CRISPLD2: variants seen among roughly 807,000 people sequenced by gnomAD.
The protein encoded by CRISPLD2 is cysteine-rich secretory protein LCCL domain-containing 2.
CRISPLD2 carries 47 observed loss-of-function variants against 71.1 expected under a neutral mutation model. That is an observed-to-expected ratio of 0.66 (90% confidence interval 0.52 to 0.84). The LOEUF (loss-of-function observed/expected upper bound fraction) is 0.84. CRISPLD2 is among the 40% of genes least tolerant of loss of function. The pLI is 0.00. For missense variants in CRISPLD2, 830 were observed against 651.1 expected, an observed-to-expected ratio of 1.27 and a Z score of -2.99; for synonymous variants, 317 against 250.1, an observed-to-expected ratio of 1.27 and a Z score of -2.52.
At chr16:84,895,074 C>T (rs1346869947) in intron 14 of CRISPLD2, among the ~76,000 whole-genome samples, 1 of 152,020 alleles carries the variant, frequency 6.6e-6, no homozygotes, top group African/African-American at 2.4e-5. Context: ...TTCCCCTCCT[C>T]CACTCGTATT....
chr16:84,855,958 C>T (rs189804527), intron 6 of CRISPLD2, among the ~76,000 whole-genome samples: 1 of 152,210 alleles, frequency 6.6e-6, no homozygotes, highest in Non-Finnish European at 1.5e-5. Flanking sequence ...CAAGTGTATA[C>T]ATGCACAAGC....
chr16:84,861,607 T>A (rs1483667746), intron 6 of CRISPLD2, among the ~76,000 whole-genome samples: 2 of 151,890 alleles, frequency 1.3e-5, no homozygotes, highest in Non-Finnish European at 2.9e-5. Flanking sequence ...GCCCACTGAC[T>A]CAAATGTTAA....
chr16:84,836,251 A>T (rs1437859787), intron 1 of CRISPLD2: 2 of 152,152 alleles, frequency 1.3e-5, no homozygotes, highest in African/African-American at 4.8e-5. Context: ...CCAGGAGGAC[A>T]CCCCGTGACG....
chr16:84,905,395 G>T (rs1472226960), intron 14 of CRISPLD2, among the ~76,000 whole-genome samples: 1 of 152,056 alleles, frequency 6.6e-6, no homozygotes, highest in Non-Finnish European at 1.5e-5. Context: ...AATAAAGTTG[G>T]TTTGGTTTTT....
intron 9 of CRISPLD2, 147 bp from the exon 10 acceptor site, chr16:84,872,845 G>T (rs2071483121): frequency 8.9e-6 from 9 of 1,015,788 alleles, no homozygotes; most frequent in Non-Finnish European, 1.3e-5. Flanking sequence ...TGTGGTTACA[G>T]ACAGAGGCGA....
chr16:84,825,029 G>A (rs1017116114), intron 1 of CRISPLD2, among the ~76,000 whole-genome samples: 5 of 152,212 alleles, frequency 3.3e-5, no homozygotes, highest in African/African-American at 7.2e-5. Flanking sequence ...GCTTGAACCC[G>A]GGAGGCGGAG....
intron 14 of CRISPLD2, among the ~76,000 whole-genome samples, chr16:84,899,685 A>C (rs1449660760): frequency 6.6e-6 from 1 of 152,142 alleles, no homozygotes; most frequent in Non-Finnish European, 1.5e-5. Flanking sequence ...CTTACCTCCA[A>C]GGTGAGCAGG....
chr16:84,886,861 T>A (rs1255486903), intron 13 of CRISPLD2, among the ~76,000 whole-genome samples: 1 of 152,220 alleles, frequency 6.6e-6, no homozygotes, highest in Non-Finnish European at 1.5e-5. Context: ...TAACCATTGT[T>A]AAGTGCACAG....
At position 84,906,146 on chromosome 16, in the gene CRISPLD2, G is replaced by A. The variant is rs571427608; in HGVS notation, c.1440-442G>A. Among the ~76,000 whole-genome samples, 600 of 152,170 alleles carry A rather than the reference G, an allele frequency of 3.9e-3. 2 individuals carry two copies. The highest frequency in any genetic ancestry group is 4.7e-3 in the Non-Finnish European group (323 of 68,012). On this transcript the variant is annotated intron_variant, in intron 14 of 14. Coordinates refer to ENST00000262424, the MANE Select transcript of CRISPLD2 (RefSeq NM_031476.4). ...TCTCCGTTTCCTCCCCTGTGAACGA[G>A]CGATAACAGCTCCCTCAGGAGGAAG...
At chr16:84,878,193 C>T (rs2071537579) in intron 12 of CRISPLD2, among the ~76,000 whole-genome samples, 1 of 152,130 alleles carries the variant, frequency 6.6e-6, no homozygotes, top group African/African-American at 2.4e-5. Context: ...CACTGCACTC[C>T]AGCCTGGGTG....
Position 84,849,417 on chromosome 16 carries a change from G to GGTATGAC in CRISPLD2, c.394_400dup (p.Glu134ValfsTer2). 1.2e-6 allele frequency: 2 copies of GGTATGAC among 1,614,118 alleles called. No individual in the cohort carries two copies. Among genetic ancestry groups the GGTATGAC allele is most frequent in the Non-Finnish European group, 1.7e-6 (2 of 1,180,000 alleles). On this transcript the variant is annotated frameshift_variant, in exon 4 of 15. Transcript: ENST00000262424. LOFTEE classifies it high-confidence loss of function. Reference sequence around the variant, plus strand: ...TCTCCGGGGTTCCATGTGCAGTCCTGGTATGACGAGGTGAAGGACTACACC... The same window carrying GGTATGAC: ...TCTCCGGGGTTCCATGTGCAGTCCTGGTATGACGTATGACGAGGTGAAGGACTACACC...
chr16:84,873,446 C>T (rs969713981), intron 10 of CRISPLD2: 1 of 170,326 alleles, frequency 5.9e-6, no homozygotes, highest in Non-Finnish European at 1.2e-5. Context: ...TCACTGCACT[C>T]CAGCCTGGCC....
chr16:84,837,669 G>T (rs544958339), intron 1 of CRISPLD2, among the ~76,000 whole-genome samples: 1 of 152,052 alleles, frequency 6.6e-6, no homozygotes, highest in Non-Finnish European at 1.5e-5. Flanking sequence ...CGCCCGCCTC[G>T]GCCTCCCAAA....
At chr16:84,883,333 G>A (rs1025277206) in intron 13 of CRISPLD2, among the ~76,000 whole-genome samples, 6 of 152,192 alleles carry the variant, frequency 3.9e-5, no homozygotes, top group Admixed American at 6.5e-5. Context: ...TGCGGCTCCC[G>A]CCTGTTCACC....
At chr16:84,880,784 T>C in intron 13 of CRISPLD2, 200 bp downstream of exon 13, 1 of 437,666 alleles carries the variant, frequency 2.3e-6, no homozygotes, top group Non-Finnish European at 4.1e-6. Context: ...TGGCCCACTG[T>C]AACCTCTGCC....
intron 1 of CRISPLD2, among the ~76,000 whole-genome samples, chr16:84,820,751 C>G (rs1053472373): frequency 6.6e-6 from 1 of 151,962 alleles, no homozygotes; most frequent in Admixed American, 6.5e-5. Context: ...TGTGTAGAGA[C>G]TTGGGGCCAT....
At chr16:84,827,477 G>C (rs1421493669) in intron 1 of CRISPLD2, among the ~76,000 whole-genome samples, 1 of 151,310 alleles carries the variant, frequency 6.6e-6, no homozygotes, top group Non-Finnish European at 1.5e-5. Flanking sequence ...CTTTTCGCCT[G>C]TCCTCGGTCA....
At chr16:84,829,787 G>A (rs923150068) in intron 1 of CRISPLD2, among the ~76,000 whole-genome samples, 2 of 152,180 alleles carry the variant, frequency 1.3e-5, no homozygotes, top group African/African-American at 4.8e-5. Flanking sequence ...CAGTTTCATC[G>A]TCTGTAAAAT....
intron 4 of CRISPLD2, 91 bp downstream of exon 4, chr16:84,849,608 C>G (rs1405878268): frequency 2.2e-6 from 3 of 1,380,380 alleles, no homozygotes. Flanking sequence ...TCTGTAAAGC[C>G]TCTGCGCTGT....
Sources: allele counts gnomAD v4.1 joint callset (sites outside exome capture counted in the v4.1 genomes callset), GRCh38; gene constraint gnomAD v4.1.1; transcripts MANE v1.5; gene names NCBI Gene and HGNC (gene_info 2026-07-23, HGNC 2026-07-21).